Variants in PLK5 observed in about 807,000 individuals in gnomAD.
PLK5 encodes the protein polo like kinase 5 (inactive).
A neutral mutation model predicts 33.7 loss-of-function variants in PLK5; 28 were observed. The observed-to-expected ratio is 0.83, with a 90% confidence interval of 0.62 to 1.14. PLK5 has a LOEUF of 1.14. Among genes scored for constraint, PLK5 ranks in the 50% most tolerant of loss-of-function variants. The probability of loss-of-function intolerance (pLI) is 0.00; values close to 1 mark genes in which losing one functional copy is unlikely to be tolerated. For synonymous variants in PLK5, 225 were observed against 202.2 expected (o/e 1.11, Z -0.96); for missense variants, 492 against 461.5 (o/e 1.07, Z -0.61).
Position 1,529,738 on chromosome 19 carries a change from T to C in PLK5, c.491-9T>C, listed in dbSNP as rs1568253585. 2.0e-6 allele frequency: 3 copies of C among 1,535,866 alleles called. No individual in the cohort carries two copies. Among genetic ancestry groups the C allele is most frequent in the Admixed American group, 3.9e-5 (2 of 50,972 alleles). On this transcript the variant is annotated splice_polypyrimidine_tract_variant and intron_variant, in intron 10 of 13. Transcript: ENST00000454744. ...GACCTGTCTGCGGCACAAAGACCTG[T>C]CTTCCCAGGGCCCGAGGGGAGCCGG...
chr19:1,533,876 G>A (rs1047910242), intron 12 of PLK5, 55 bp from the exon 13 acceptor site: 3 of 831,346 alleles, frequency 3.6e-6, no homozygotes, highest in Non-Finnish European at 4.5e-6. Flanking sequence ...GGGTGTGGGG[G>A]CGAGGGGTGG....
rs913455861 is a variant in PLK5, at chr19:1,534,159, A to G, written c.825+118A>G. ...TAGGAAGCATTTGCCTCCCAGGAAA[A>G]AAAAAAAAAAAAAAGGTATTGGCTC... On this transcript the variant is annotated intron_variant, in intron 13 of 13. Coordinates refer to ENST00000454744, the MANE Select transcript of PLK5 (RefSeq NM_001243079.2). 3.3e-3 allele frequency: 1,900 copies of G among 584,448 alleles called. 3 individuals carry two copies. The highest frequency in any genetic ancestry group is 0.012 in the East Asian group (307 of 24,640). 36.2% of individuals were successfully genotyped at this position (584,448 alleles called of 1,614,324 possible).
chr19:1,534,882 GT>G (rs755395919), intron 13 of PLK5, among the ~76,000 whole-genome samples, 182 bp from the exon 14 acceptor site: 29 of 152,132 alleles, frequency 1.9e-4, no homozygotes, highest in Middle Eastern at 3.4e-3. Context: ...CTGAGCCTCA[GT>G]TTCCCCAGGT....
At position 1,529,631 on chromosome 19, in the gene PLK5, G is replaced by A. The variant is rs141624306; in HGVS notation, c.491-116G>A. Reference sequence around the variant, plus strand: ...TTCCCGCCTGTCAAATGGGAATGCCGCCTCTGGGTTGAGGATGAGATGTTC... The same window carrying A: ...TTCCCGCCTGTCAAATGGGAATGCCACCTCTGGGTTGAGGATGAGATGTTC... On this transcript the variant is annotated intron_variant, in intron 10 of 13. Coordinates refer to ENST00000454744, the MANE Select transcript of PLK5 (RefSeq NM_001243079.2). 1,467 of 1,405,158 alleles carry A rather than the reference G, an allele frequency of 1.0e-3. 10 individuals carry two copies. In the African/African-American group the frequency reaches 0.019, roughly 18 times the overall value. The allele number at this position is 1,405,158 out of a possible 1,614,324, so 87.0% of individuals were successfully genotyped here.
At chr19:1,528,872 C>T (rs1302221234) in intron 8 of PLK5, 26 bp from the exon 9 acceptor site, 7 of 1,481,930 alleles carry the variant, frequency 4.7e-6, no homozygotes, top group Middle Eastern at 2.0e-4. Context: ...GGCTGTGCCC[C>T]CTCCAAGGCC....
chr19:1,526,629 A>C lies in PLK5; in HGVS notation c.-183+14A>C. 2 of 361,872 alleles carry C rather than the reference A, an allele frequency of 5.5e-6. No homozygotes were observed. The highest frequency in any genetic ancestry group is 1.1e-5 in the Non-Finnish European group (2 of 189,182). 22.4% of individuals were successfully genotyped at this position (361,872 alleles called of 1,614,324 possible). ...ACCTGAAGCTCAGTGAGTGCCAGGA[A>C]GGGGAACTGTGGGCGGGGGCGTCGG... On this transcript the variant is annotated intron_variant, in intron 4 of 13. Coordinates refer to ENST00000454744, the MANE Select transcript of PLK5 (RefSeq NM_001243079.2).
chr19:1,535,155 A>T lies in PLK5; in HGVS notation c.916A>T (p.Thr306Ser). ...LTLWEQGSPGTSYSLDVPRSH... is the reference protein window; with the variant it reads ...LTLWEQGSPGSSYSLDVPRSH... The stretch of plus-strand genomic sequence containing the variant: ...CCTCTGGGAGCAGGGGTCCCCTGGC[A>T]CCTCCTACTCCCTGGACGTCCCGCG... The change falls in exon 14 of 14, where the codon ACC (threonine) becomes TCC (serine). Residue 306 changes from threonine (T) to serine (S), a missense_variant. By Grantham distance (58) the Thr-to-Ser change is moderately conservative (BLOSUM62 1). Transcript: ENST00000454744. 6.5e-7 allele frequency: 1 copy of T among 1,535,500 alleles called. No homozygotes were observed. Among genetic ancestry groups the T allele is most frequent in the Non-Finnish European group, 8.7e-7 (1 of 1,146,704 alleles).
intron 6 of PLK5, among the ~76,000 whole-genome samples, chr19:1,527,588 T>C (rs2668407): frequency 0.68 from 102,820 of 151,318 alleles, 36,193 homozygotes; most frequent in African/African-American, 0.87. Flanking sequence ...GGTGACAGAA[T>C]GAGACCCTGT....
intron 11 of PLK5, 98 bp downstream of exon 11, chr19:1,529,922 G>C: frequency 1.5e-6 from 2 of 1,292,936 alleles, no homozygotes; most frequent in Admixed American, 2.3e-5. Context: ...ATTTCTGGGG[G>C]TGAGGAGTAG....
In PLK5 at chr19:1,526,800, C is replaced by G. The variant is rs902617547; in HGVS notation, c.-95+9C>G. ...GGGGGCCGCTGCCACAGGTGAGAGC[C>G]GGGGGGAGGGCTCTGAGCAGTCCGT... On this transcript the variant is annotated intron_variant, in intron 5 of 13. Transcript: ENST00000454744. 1.5e-6 allele frequency: 1 copy of G among 662,704 alleles called. No individual in the cohort carries two copies. Among genetic ancestry groups the G allele is most frequent in the Non-Finnish European group, 2.6e-6 (1 of 384,708 alleles). The allele number at this position is 662,704 out of a possible 1,614,324, so 41.1% of individuals were successfully genotyped here.
In PLK5 at chr19:1,528,333, C is replaced by A. The variant is rs1412834355; in HGVS notation, c.233C>A (p.Ser78Tyr). The A allele has an allele frequency of 2.0e-6, 3 of 1,535,700 alleles. No homozygotes were observed. The highest frequency in any genetic ancestry group is 2.6e-6 in the Non-Finnish European group (3 of 1,146,796). Residue 78 changes from serine (S) to tyrosine (Y), a missense_variant, in exon 8 of 14, where the codon TCC (serine) becomes TAC (tyrosine). Transcript: ENST00000454744. ...ACTCCAGACCGGCTGCCGGCCCACT[C>A]CTGCCACAGTCCCCCCATCTTCGCC... ...GFTPDRLPAH[S>Y]CHSPPIFAIP...
chr19:1,528,505 G>GCCTCCCACCTGCCCACA, intron 8 of PLK5, 77 bp downstream of exon 8: 2 of 262,888 alleles, frequency 7.6e-6, no homozygotes, highest in Non-Finnish European at 9.5e-6. Flanking sequence ...ACCTGCCCAC[G>GCCTCCCACCTGCCCACA]CCTCCCACCT....
rs1913682300 is a variant in PLK5 at position 1,524,609 on chromosome 19, G to A, written c.-544+363G>A. Among the ~76,000 whole-genome samples, 1 of 17,436 alleles carries A rather than the reference G, an allele frequency of 5.7e-5. No individual in the cohort carries two copies. The highest frequency in any genetic ancestry group is 2.6e-3 in the South Asian group (1 of 380). 11.4% of individuals were successfully genotyped at this position (17,436 alleles called of 152,430 possible). On this transcript the variant is annotated intron_variant, in intron 1 of 13. Transcript: ENST00000454744. This position sits in a 1 kb window ranked among gnomAD's most constrained non-coding sequence, Gnocchi z 4.5. ...GGTGCTGTGCGGTGTTCGTGTGTGT[G>A]TGTGTGTGTGTGTGTGTGTGTGTCT...
intron 9 of PLK5, 40 bp downstream of exon 9, chr19:1,529,014 G>A (rs1485936156): frequency 2.8e-6 from 4 of 1,450,608 alleles, no homozygotes; most frequent in Admixed American, 5.1e-5. Context: ...GACACAGGTG[G>A]AGGGCATGCT....
intron 12 of PLK5, among the ~76,000 whole-genome samples, chr19:1,532,203 C>T (rs754199426): frequency 1.2e-4 from 18 of 152,002 alleles, no homozygotes; most frequent in Non-Finnish European, 2.2e-4. Context: ...CCCAGGAGAT[C>T]GAGATCAGCC....
At position 1,535,127 on chromosome 19, in the gene PLK5, C is replaced by T; in HGVS notation, c.888C>T (p.Leu296=). The change falls in exon 14 of 14, where the codon CTC becomes CTT. Residue 296 remains leucine (L), a synonymous_variant. Transcript: ENST00000454744. ...GTGGCGAGGGTGAGGGTTTGCAGCT[C>T]ACCCTCTGGGAGCAGGGGTCCCCTG... ...VLSGEGEGLQ[L]TLWEQGSPGT... The T allele has an allele frequency of 2.0e-6, 3 of 1,535,738 alleles. No individual in the cohort carries two copies. Among genetic ancestry groups the T allele is most frequent in the Non-Finnish European group, 2.6e-6 (3 of 1,146,674 alleles).
Position 1,529,424 on chromosome 19 carries a change from G to C in PLK5, c.424G>C (p.Glu142Gln). Residue 142 changes from glutamate (E) to glutamine (Q), a missense_variant, in exon 10 of 14, where the codon GAG becomes CAG. Physicochemically the swap from Glu to Gln is conservative, Grantham distance 29. Coordinates refer to ENST00000454744, the MANE Select transcript of PLK5 (RefSeq NM_001243079.2). ...ACCTCAGAGCTCCCTGTCTGCGAAAGAGGTTCCCTGCCTGGAAGGCCCCAT... is the reference window on the plus strand; with the variant it reads ...ACCTCAGAGCTCCCTGTCTGCGAAACAGGTTCCCTGCCTGGAAGGCCCCAT... ...WDGESSLSAKEVPCLEGPIHL... is the reference protein window; with the variant it reads ...WDGESSLSAKQVPCLEGPIHL... The C allele has an allele frequency of 6.5e-7, 1 of 1,536,010 alleles. No homozygotes were observed. Among genetic ancestry groups the C allele is most frequent in the Middle Eastern group, 1.7e-4 (1 of 5,884 alleles).
In PLK5 at chr19:1,524,677, C is replaced by A. The variant is rs1051219662; in HGVS notation, c.-544+431C>A. On this transcript the variant is annotated intron_variant, in intron 1 of 13. Coordinates refer to ENST00000454744, the MANE Select transcript of PLK5 (RefSeq NM_001243079.2). The surrounding 1 kb of genome is among the most constrained non-coding windows in gnomAD (Gnocchi z 4.5). ...TTCACCTGTTGTTTGTGCGTCATGC[C>A]TTTGTGTGTCCAGTCATTGTGTTGT... Among the ~76,000 whole-genome samples the A allele has an allele frequency of 6.6e-6, 1 of 150,916 alleles. No individual in the cohort carries two copies. Among genetic ancestry groups the A allele is most frequent in the Non-Finnish European group, 1.5e-5 (1 of 67,808 alleles).
In PLK5 at chr19:1,533,913, AGCCGAGTC is replaced by A; in HGVS notation, c.715-17_715-10del. 1 of 1,523,450 alleles carries A rather than the reference AGCCGAGTC, an allele frequency of 6.6e-7. No individual in the cohort carries two copies. Among genetic ancestry groups the A allele is most frequent in the Non-Finnish European group, 8.8e-7 (1 of 1,137,600 alleles). 94.4% of individuals were successfully genotyped at this position (1,523,450 alleles called of 1,614,324 possible). On this transcript the variant is annotated splice_polypyrimidine_tract_variant and intron_variant, in intron 12 of 13. Transcript: ENST00000454744. ...GACGCCCCCTGCGTCACGTGACCTC[AGCCGAGTC>A]TGTCCACAGGAGGGGACCCTCCCCA...
Sources: gnomAD v4.1 joint callset for allele counts (sites outside exome capture counted in the v4.1 genomes callset) on GRCh38, gnomAD v4.1.1 for gene constraint, Gnocchi (gnomAD v3.1) non-coding constraint, MANE v1.5 for transcripts, NCBI Gene and HGNC (gene_info 2026-07-23, HGNC 2026-07-21) for gene names.